Variants in ZMYM4 observed in about 807,000 individuals in gnomAD.
ZMYM4 encodes the protein zinc finger MYM-type containing 4.
ZMYM4 carries 31 observed loss-of-function variants against 183.2 expected under a neutral mutation model. The observed-to-expected ratio is 0.17, with a 90% confidence interval of 0.13 to 0.23. The LOEUF (loss-of-function observed/expected upper bound fraction) is 0.23. ZMYM4 is among the 10% of genes least tolerant of loss of function. The probability of loss-of-function intolerance (pLI) is 1.00; values close to 1 mark genes in which losing one functional copy is unlikely to be tolerated. For synonymous variants in ZMYM4, 592 were observed against 631.2 expected, an observed-to-expected ratio of 0.94 and a Z score of 0.93; for missense variants, 1,273 against 1,840.3, an observed-to-expected ratio of 0.69 and a Z score of 5.64.
intron 26 of ZMYM4, among the ~76,000 whole-genome samples, chr1:35,408,719 C>A (rs1639739449): frequency 6.6e-6 from 1 of 151,966 alleles, no homozygotes; most frequent in South Asian, 2.1e-4. Flanking sequence ...AGAGTGAGAA[C>A]CTGTCTGAGG....
At chr1:35,335,852 C>T (rs1189868462) in intron 2 of ZMYM4, among the ~76,000 whole-genome samples, 1 of 152,132 alleles carries the variant, frequency 6.6e-6, no homozygotes, top group Non-Finnish European at 1.5e-5. Flanking sequence ...ACTCGGGAGG[C>T]TGAGGCAGGA....
intron 2 of ZMYM4, among the ~76,000 whole-genome samples, chr1:35,334,070 C>G (rs190986465): frequency 7.3e-5 from 11 of 150,912 alleles, no homozygotes; most frequent in African/African-American, 2.7e-4. Context: ...AATCCCACCA[C>G]TTCGGGAGAC....
chr1:35,357,444 G>T (rs1409718849), intron 2 of ZMYM4, among the ~76,000 whole-genome samples: 1 of 152,146 alleles, frequency 6.6e-6, no homozygotes, highest in Non-Finnish European at 1.5e-5. Flanking sequence ...ATTAAATGTG[G>T]TTTAGGCATA....
At chr1:35,286,083 G>A (rs1188639557) in intron 1 of ZMYM4, among the ~76,000 whole-genome samples, 1 of 152,040 alleles carries the variant, frequency 6.6e-6, no homozygotes, top group Non-Finnish European at 1.5e-5. Context: ...CATTCAAATT[G>A]GACAGGAAGA....
At chr1:35,294,857 A>G (rs1640929563) in intron 1 of ZMYM4, among the ~76,000 whole-genome samples, 1 of 152,268 alleles carries the variant, frequency 6.6e-6, no homozygotes, top group Non-Finnish European at 1.5e-5. Context: ...TGAAAAAGGT[A>G]AATGTCTTTG....
chr1:35,408,679 G>T (rs1300537661), intron 26 of ZMYM4, among the ~76,000 whole-genome samples: 1 of 152,172 alleles, frequency 6.6e-6, no homozygotes, highest in African/African-American at 2.4e-5. Flanking sequence ...TAAGGCTGCA[G>T]TAAGCCATTG....
intron 1 of ZMYM4, among the ~76,000 whole-genome samples, chr1:35,322,875 A>G (rs1642345680): frequency 6.6e-6 from 1 of 150,878 alleles, no homozygotes; most frequent in African/African-American, 2.4e-5. Flanking sequence ...TATCTTTAAT[A>G]GAGATGGGGT....
At chr1:35,297,422 C>G (rs1340941773) in intron 1 of ZMYM4, among the ~76,000 whole-genome samples, 1 of 151,190 alleles carries the variant, frequency 6.6e-6, no homozygotes, top group Non-Finnish European at 1.5e-5. Flanking sequence ...TTGCTGTGAG[C>G]TGAGGTTGCA....
chr1:35,344,301 G>A (rs936874490), intron 2 of ZMYM4, among the ~76,000 whole-genome samples: 3 of 152,036 alleles, frequency 2.0e-5, no homozygotes, highest in African/African-American at 7.2e-5. Context: ...TGATCCACCT[G>A]CCTCGACCTC....
chr1:35,383,782 G>C (rs1248934498), intron 9 of ZMYM4, among the ~76,000 whole-genome samples: 4 of 152,038 alleles, frequency 2.6e-5, no homozygotes, highest in Admixed American at 1.3e-4. Flanking sequence ...ATCTGCTGTG[G>C]TAGAGAAAGA....
chr1:35,288,535 G>T (rs1194874042), intron 1 of ZMYM4, among the ~76,000 whole-genome samples: 2 of 152,158 alleles, frequency 1.3e-5, no homozygotes, highest in Non-Finnish European at 2.9e-5. Context: ...CACCCTCTGT[G>T]GTGACAGAAT....
intron 4 of ZMYM4, among the ~76,000 whole-genome samples, 168 bp downstream of exon 4, chr1:35,361,423 C>A (rs1643933787): frequency 6.6e-6 from 1 of 151,708 alleles, no homozygotes; most frequent in African/African-American, 2.4e-5. Flanking sequence ...TAAAAAGCCT[C>A]AAATCTTAGG....
chr1:35,387,931 C>A (rs978200870), intron 13 of ZMYM4, among the ~76,000 whole-genome samples: 5 of 152,052 alleles, frequency 3.3e-5, no homozygotes, highest in African/African-American at 9.7e-5. Flanking sequence ...AAATGGGATG[C>A]CTTAAATTAT....
chr1:35,387,152 T>C lies in ZMYM4; in HGVS notation c.1986T>C (p.Ala662=). The C allele has an allele frequency of 1.2e-6, 2 of 1,614,264 alleles. No homozygotes were observed. Among genetic ancestry groups the C allele is most frequent in the Non-Finnish European group, 1.7e-6 (2 of 1,180,046 alleles). ...AVSPTSISSS[A]AAGLQRLAAQ... The stretch of plus-strand genomic sequence containing the variant: ...CTCCCACCTCCATCAGTAGCTCTGC[T>C]GCAGCTGGTCTCCAGCGTCTCGCTG... Residue 662 remains alanine (A), a synonymous_variant, in exon 12 of 30, where the codon GCT becomes GCC. Coordinates refer to ENST00000314607, the MANE Select transcript of ZMYM4 (RefSeq NM_005095.3).
chr1:35,292,667 T>A (rs1640817904), intron 1 of ZMYM4, among the ~76,000 whole-genome samples: 1 of 152,012 alleles, frequency 6.6e-6, no homozygotes, highest in African/African-American at 2.4e-5. Context: ...CTGGCTAATT[T>A]TTTTGTATTT....
intron 1 of ZMYM4, among the ~76,000 whole-genome samples, chr1:35,280,177 C>CCCCTTCCCTT (rs141512700): frequency 2.4e-4 from 35 of 148,134 alleles, no homozygotes; most frequent in Non-Finnish European, 3.9e-4. Context: ...CCTCCCTTCC[C>CCCCTTCCCTT]CCCTTCCCTT....
intron 1 of ZMYM4, among the ~76,000 whole-genome samples, chr1:35,294,576 A>AT (rs1408526423): frequency 6.6e-6 from 1 of 152,114 alleles, no homozygotes; most frequent in East Asian, 1.9e-4. Flanking sequence ...AAATAAACAG[A>AT]TTCATGTCTA....
intron 1 of ZMYM4, among the ~76,000 whole-genome samples, chr1:35,306,528 G>GT (rs1641541471): frequency 6.6e-6 from 1 of 152,108 alleles, no homozygotes; most frequent in South Asian, 2.1e-4. Flanking sequence ...ATATCCATTA[G>GT]TTTTTTGGTC....
intron 2 of ZMYM4, among the ~76,000 whole-genome samples, chr1:35,352,277 A>ACC (rs1643647995): frequency 8.9e-6 from 1 of 112,688 alleles, no homozygotes; most frequent in African/African-American, 4.1e-5. Context: ...GCGCACACAC[A>ACC]CACACACACA....
Sources: gnomAD v4.1 joint callset for allele counts (sites outside exome capture counted in the v4.1 genomes callset) on GRCh38, gnomAD v4.1.1 for gene constraint, MANE v1.5 for transcripts, NCBI Gene and HGNC (gene_info 2026-07-23, HGNC 2026-07-21) for gene names.